The following LRBA variants were observed in gnomAD, a reference collection of about 807,000 sequenced individuals.
The protein encoded by LRBA is lipopolysaccharide-responsive and beige-like anchor protein.
A neutral mutation model predicts 330.0 loss-of-function variants in LRBA; 176 were observed. That is an observed-to-expected ratio of 0.53 (90% CI 0.47 to 0.60). LRBA has a LOEUF of 0.60. Among genes scored for constraint, LRBA ranks in the 20% least tolerant of loss-of-function variants. LRBA has a pLI of 0.00. For missense variants in LRBA, 3,259 were observed against 3,444.8 expected (o/e 0.95, Z 1.35); for synonymous variants, 1,230 against 1,193.0 (o/e 1.03, Z -0.64).
chr4:150,794,753 A>C (rs1196825418), intron 34 of LRBA, among the ~76,000 whole-genome samples: 3 of 152,166 alleles, frequency 2.0e-5, no homozygotes, highest in Admixed American at 2.0e-4. Context: ...CTAATTAATT[A>C]CTCAGACAGG....
chr4:150,538,423 T>C (rs1015275220), intron 40 of LRBA, among the ~76,000 whole-genome samples: 1 of 152,056 alleles, frequency 6.6e-6, no homozygotes, highest in African/African-American at 2.4e-5. Context: ...AAAGGAAATA[T>C]GGTACATATA....
intron 2 of LRBA, among the ~76,000 whole-genome samples, chr4:150,937,752 C>T (rs751232407): frequency 2.3e-4 from 35 of 151,912 alleles, no homozygotes; most frequent in Non-Finnish European, 4.6e-4. Context: ...GCAACTTATT[C>T]GAAGAATTCA....
At chr4:150,719,331 T>TA (rs1487295069) in intron 36 of LRBA, among the ~76,000 whole-genome samples, 1 of 151,886 alleles carries the variant, frequency 6.6e-6, no homozygotes, top group Non-Finnish European at 1.5e-5. Context: ...ATTTCAAATT[T>TA]AAAAAAAGTG....
chr4:150,555,525 C>T (rs909930713), intron 40 of LRBA, among the ~76,000 whole-genome samples: 11 of 151,892 alleles, frequency 7.2e-5, no homozygotes, highest in South Asian at 2.1e-4. Context: ...CCAAGGTGGG[C>T]GGATCACAAG....
chr4:150,655,866 C>A (rs1780135092), intron 37 of LRBA, among the ~76,000 whole-genome samples: 1 of 152,126 alleles, frequency 6.6e-6, no homozygotes, highest in South Asian at 2.1e-4. Flanking sequence ...AAGGGTCTTC[C>A]AAATAGCTAC....
chr4:151,004,808 A>G (rs1743813176), intron 2 of LRBA, among the ~76,000 whole-genome samples: 1 of 152,036 alleles, frequency 6.6e-6, no homozygotes, highest in African/African-American at 2.4e-5. Flanking sequence ...CAACACAGTG[A>G]AACCCCATCT....
Position 150,385,131 on chromosome 4 carries a change from G to GTAAAAAAATAAATAAATAAAAA in LRBA, c.7194+30285_7194+30306dup, listed in dbSNP as rs1484578483. ...AAACTGTGTATTCGAATCATTGTATGTAAAAAAATAAATAAATAAAAATAA... is the reference window on the plus strand; with the variant it reads ...AAACTGTGTATTCGAATCATTGTATGTAAAAAAATAAATAAATAAAAATAAAAAAATAAATAAATAAAAATAA... On this transcript the variant is annotated intron_variant, in intron 47 of 56. Coordinates refer to ENST00000651943, the MANE Select transcript of LRBA (RefSeq NM_001364905.1). 1.8e-4 allele frequency among the ~76,000 whole-genome samples: 28 copies of GTAAAAAAATAAATAAATAAAAA among 152,154 alleles called. 1 individual carries two copies. The South Asian group carries it at 5.8e-3, about 32-fold the overall frequency.
intron 30 of LRBA, among the ~76,000 whole-genome samples, chr4:150,820,461 A>G (rs2126780759): frequency 6.6e-6 from 1 of 152,178 alleles, no homozygotes; most frequent in East Asian, 1.9e-4. Flanking sequence ...AGCAATAAAG[A>G]TCTCTAACAT....
intron 36 of LRBA, among the ~76,000 whole-genome samples, chr4:150,718,959 A>G (rs573482318): frequency 9.9e-5 from 15 of 152,172 alleles, no homozygotes; most frequent in Admixed American, 6.6e-5. Context: ...TTTCTACTTC[A>G]TGCTATTTTC....
At chr4:150,739,354 T>A (rs77764084) in intron 35 of LRBA, among the ~76,000 whole-genome samples, 11 of 3,968 alleles carry the variant, frequency 2.8e-3, no homozygotes, top group East Asian at 5.2e-3. Flanking sequence ...TGGAACATAT[T>A]AAAAAAAACA....
At chr4:150,274,820 C>G (rs1003038597) in intron 56 of LRBA, among the ~76,000 whole-genome samples, 1 of 152,098 alleles carries the variant, frequency 6.6e-6, no homozygotes, top group Non-Finnish European at 1.5e-5. Context: ...AAGTCCAGGA[C>G]CAGACAGATT....
intron 2 of LRBA, among the ~76,000 whole-genome samples, chr4:151,009,280 G>A (rs1744524844): frequency 6.6e-6 from 1 of 151,746 alleles, no homozygotes; most frequent in South Asian, 2.1e-4. Context: ...GGGCATGGTG[G>A]CTCAAACTTG....
chr4:150,693,563 CAAAAAAA>C lies in LRBA; in HGVS notation c.5755-9853_5755-9847del, dbSNP rs70941428. 9.5e-5 allele frequency among the ~76,000 whole-genome samples: 5 copies of C among 52,716 alleles called. No individual in the cohort carries two copies. The East Asian group carries it at 1.8e-3, about 19-fold the overall frequency. 34.6% of individuals were successfully genotyped at this position (52,716 alleles called of 152,430 possible). ...TGGGTGACAGAGCGAGACTCCGTCTCAAAAAAAAAAAAAAAAAAAAAAATTGGGCAAG... is the reference window on the plus strand; with the variant it reads ...TGGGTGACAGAGCGAGACTCCGTCTCAAAAAAAAAAAAAAAATTGGGCAAG... On this transcript the variant is annotated intron_variant, in intron 36 of 56. Transcript: ENST00000651943.
chr4:150,753,146 G>A (rs1733782611), intron 35 of LRBA, among the ~76,000 whole-genome samples: 1 of 152,102 alleles, frequency 6.6e-6, no homozygotes, highest in Non-Finnish European at 1.5e-5. Context: ...ACACTGCAAT[G>A]TCCTCTGTAT....
chr4:150,376,824 T>A (rs1376238277), intron 47 of LRBA, among the ~76,000 whole-genome samples: 2 of 152,096 alleles, frequency 1.3e-5, no homozygotes, highest in African/African-American at 2.4e-5. Context: ...TTAGTCAAAG[T>A]CAGCTAGGAG....
At chr4:150,951,212 A>C (rs1229119166) in intron 2 of LRBA, among the ~76,000 whole-genome samples, 1 of 152,196 alleles carries the variant, frequency 6.6e-6, no homozygotes, top group African/African-American at 2.4e-5. Flanking sequence ...GTAAGATTCT[A>C]TCTCTTACAA....
At position 150,893,135 on chromosome 4, in the gene LRBA, CA is replaced by C. The variant is rs1729644125; in HGVS notation, c.2081del (p.Met694ArgfsTer10). 6.2e-7 allele frequency: 1 copy of C among 1,603,258 alleles called. No individual in the cohort carries two copies. ...ATGCAACAAGCAGCTGTAGGACATC[CA>C]TTAGATTGTCATCCTATAATCATTT... ...LLTMHEDDNLMDVLQLLVALM... is the reference protein window; with the variant it reads ...LLTMHEDDNLXDVLQLLVALM... On this transcript the variant is annotated frameshift_variant, in exon 17 of 57. Transcript: ENST00000651943. LOFTEE classifies it high-confidence loss of function.
At chr4:150,525,606 T>G (rs192005211) in intron 40 of LRBA, among the ~76,000 whole-genome samples, 7 of 152,184 alleles carry the variant, frequency 4.6e-5, no homozygotes, top group African/African-American at 1.7e-4. Flanking sequence ...TTTTAGAGAG[T>G]TACAATATCA....
chr4:150,413,901 G>A (rs1747362968), intron 47 of LRBA, among the ~76,000 whole-genome samples: 1 of 152,124 alleles, frequency 6.6e-6, no homozygotes, highest in Admixed American at 6.5e-5. Context: ...ATAGACACCT[G>A]CCGCATTTAA....
Sources: allele counts gnomAD v4.1 joint callset (sites outside exome capture counted in the v4.1 genomes callset), GRCh38; gene constraint gnomAD v4.1.1; transcripts MANE v1.5; gene names NCBI Gene and HGNC (gene_info 2026-07-23, HGNC 2026-07-21).